MACROD2: variants seen among roughly 807,000 people sequenced by gnomAD.
MACROD2 encodes the protein ADP-ribose glycohydrolase MACROD2.
Under a neutral mutation model 70.4 loss-of-function variants are expected in MACROD2, and 36 were observed. The ratio of observed to expected loss-of-function variants is 0.51; its 90% confidence interval spans 0.39 to 0.68. The LOEUF is 0.68. MACROD2 is among the 30% of genes least tolerant of loss of function. The probability of loss-of-function intolerance (pLI) is 0.00; values close to 1 mark genes in which losing one functional copy is unlikely to be tolerated. For missense variants in MACROD2, 496 were observed against 538.4 expected (o/e 0.92, Z 0.78); for synonymous variants, 172 against 178.8 (o/e 0.96, Z 0.30).
chr20:14,645,158 A>C (rs1009116961), intron 4 of MACROD2, among the ~76,000 whole-genome samples: 1 of 152,128 alleles, frequency 6.6e-6, no homozygotes, highest in African/African-American at 2.4e-5. Flanking sequence ...CTTAAATTAC[A>C]TATAACTGTA....
rs1473552184 is a variant in MACROD2 at position 14,210,902 on chromosome 20, C to T, written c.271+125174C>T. 7.2e-5 allele frequency among the ~76,000 whole-genome samples: 11 copies of T among 152,066 alleles called. No individual in the cohort carries two copies. In the South Asian group the frequency reaches 1.0e-3, roughly 14 times the overall value. ...GACTCTGGAACTGGGAACAAGTTAA[C>T]GCTGAGAACACCAAGTACAGTGCGT... On this transcript the variant is annotated intron_variant, in intron 3 of 17. Transcript: ENST00000684519.
intron 3 of MACROD2, among the ~76,000 whole-genome samples, chr20:14,133,094 G>A (rs2054740448): frequency 6.6e-6 from 1 of 152,150 alleles, no homozygotes. Context: ...AAGCTGAGGA[G>A]GGTTGTTAGC....
intron 3 of MACROD2, among the ~76,000 whole-genome samples, chr20:14,268,882 GT>G (rs1439688879): frequency 2.0e-5 from 3 of 152,018 alleles, no homozygotes; most frequent in Non-Finnish European, 2.9e-5. Flanking sequence ...CAAGCTATCA[GT>G]TCCCATAGCA....
chr20:14,528,785 A>G (rs1051680857), intron 4 of MACROD2, among the ~76,000 whole-genome samples: 31 of 152,136 alleles, frequency 2.0e-4, no homozygotes, highest in Admixed American at 5.9e-4. Flanking sequence ...CTCTAATCCA[A>G]CAGTAATAGA....
intron 2 of MACROD2, among the ~76,000 whole-genome samples, chr20:14,018,371 A>G (rs2053022536): frequency 1.3e-5 from 2 of 151,992 alleles, no homozygotes. Flanking sequence ...TACGCTGTTG[A>G]AATGAGATCT....
chr20:14,113,951 A>G (rs2054484384), intron 3 of MACROD2, among the ~76,000 whole-genome samples: 1 of 152,136 alleles, frequency 6.6e-6, no homozygotes, highest in Non-Finnish European at 1.5e-5. Flanking sequence ...GTTAATCCTA[A>G]TTAATTAGTG....
At position 14,485,593 on chromosome 20, in the gene MACROD2, T is replaced by C. The variant is rs541222448; in HGVS notation, c.272-7886T>C. Reference sequence around the variant, plus strand: ...GCAGGCACCTGTAGTCCCAGCTACTTGGGAGGCTGAGGCAGGAGAATGACG... The same window carrying C: ...GCAGGCACCTGTAGTCCCAGCTACTCGGGAGGCTGAGGCAGGAGAATGACG... On this transcript the variant is annotated intron_variant, in intron 3 of 17. Transcript: ENST00000684519. Among the ~76,000 whole-genome samples, 42 of 148,522 alleles carry C rather than the reference T, an allele frequency of 2.8e-4. No homozygotes were observed. In the East Asian group the frequency reaches 3.6e-3, roughly 13 times the overall value.
intron 5 of MACROD2, among the ~76,000 whole-genome samples, chr20:14,985,166 C>T (rs2074837187): frequency 6.6e-6 from 1 of 152,186 alleles, no homozygotes; most frequent in South Asian, 2.1e-4. Flanking sequence ...ACTCCCAAGA[C>T]AGCCACCACT....
At chr20:15,800,306 A>G (rs891959316) in intron 8 of MACROD2, among the ~76,000 whole-genome samples, 1 of 151,744 alleles carries the variant, frequency 6.6e-6, no homozygotes. Context: ...CCATTTGCCT[A>G]TTTTTTTGTT....
At chr20:15,879,272 C>T (rs1179336662) in intron 9 of MACROD2, among the ~76,000 whole-genome samples, 1 of 152,094 alleles carries the variant, frequency 6.6e-6, no homozygotes, top group Non-Finnish European at 1.5e-5. Context: ...TCATCAGTCT[C>T]CTAACTACTT....
intron 5 of MACROD2, among the ~76,000 whole-genome samples, chr20:14,956,020 G>A (rs2074533443): frequency 7.0e-6 from 1 of 141,996 alleles, no homozygotes; most frequent in Non-Finnish European, 1.5e-5. Context: ...ACAGCTTTTA[G>A]CTGTTTTTTT....
intron 8 of MACROD2, among the ~76,000 whole-genome samples, chr20:15,658,191 A>G (rs941532538): frequency 6.6e-6 from 1 of 151,374 alleles, no homozygotes; most frequent in Non-Finnish European, 1.5e-5. Flanking sequence ...AAAAATATAG[A>G]CAAAACAAAA....
intron 5 of MACROD2, chr20:14,757,929 G>A: frequency 3.6e-6 from 4 of 1,113,526 alleles, no homozygotes; most frequent in Non-Finnish European, 5.5e-6. Context: ...AAAGCCGACA[G>A]AGATACCTAC....
chr20:15,197,111 G>C, intron 5 of MACROD2: 3 of 747,380 alleles, frequency 4.0e-6, no homozygotes, highest in Non-Finnish European at 4.9e-6. Context: ...TCATGCCCTG[G>C]TGAGTTTCCC....
intron 3 of MACROD2, chr20:14,323,400 C>G (rs1206284728): frequency 2.0e-5 from 3 of 152,160 alleles, no homozygotes; most frequent in Non-Finnish European, 4.4e-5. Flanking sequence ...TCCATGCCCT[C>G]TCCAGGCATG....
chr20:14,161,176 CT>C (rs1223900567), intron 3 of MACROD2, among the ~76,000 whole-genome samples: 1 of 146,926 alleles, frequency 6.8e-6, no homozygotes, highest in African/African-American at 2.5e-5. Context: ...TGATTTCATT[CT>C]TTTTTTTCTT....
chr20:15,936,337 T>G (rs1309333068), intron 11 of MACROD2, among the ~76,000 whole-genome samples: 1 of 148,616 alleles, frequency 6.7e-6, no homozygotes, highest in Non-Finnish European at 1.5e-5. Flanking sequence ...TCGGAATATG[T>G]ATATATAACT....
intron 7 of MACROD2, among the ~76,000 whole-genome samples, chr20:15,487,182 G>C (rs1461557184): frequency 1.3e-5 from 2 of 152,126 alleles, no homozygotes; most frequent in African/African-American, 4.8e-5. Context: ...TTCCACCCAG[G>C]GTGGCAGGCT....
At chr20:15,749,690 G>A (rs2051238938) in intron 8 of MACROD2, among the ~76,000 whole-genome samples, 1 of 152,054 alleles carries the variant, frequency 6.6e-6, no homozygotes, top group South Asian at 2.1e-4. Flanking sequence ...AAAATCAGCT[G>A]TTACCTGTGA....
Sources: gnomAD v4.1 joint callset for allele counts (sites outside exome capture counted in the v4.1 genomes callset) on GRCh38, gnomAD v4.1.1 for gene constraint, MANE v1.5 for transcripts, NCBI Gene and HGNC (gene_info 2026-07-23, HGNC 2026-07-21) for gene names.